Variants in ERAP1 observed in about 807,000 individuals in gnomAD.
The protein encoded by ERAP1 is adipocyte-derived leucine aminopeptidase.
A neutral mutation model predicts 103.7 loss-of-function variants in ERAP1; 86 were observed. The ratio of observed to expected loss-of-function variants is 0.83; its 90% confidence interval spans 0.70 to 0.99. ERAP1 has a LOEUF of 0.99. Ranked by LOEUF, ERAP1 falls within the 50% of genes least tolerant of loss-of-function variation. The pLI, the probability that ERAP1 is intolerant of heterozygous loss-of-function variation, is 0.00. For missense variants in ERAP1, 1,009 were observed against 1,128.4 expected (o/e 0.89, Z 1.52); for synonymous variants, 398 against 402.4 (o/e 0.99, Z 0.13).
chr5:96,794,027 GA>G, intron 5 of ERAP1, 70 bp from the exon 6 acceptor site: 11 of 1,502,070 alleles, frequency 7.3e-6, no homozygotes, highest in Non-Finnish European at 1.0e-5. Context: ...CTAATCTTCA[GA>G]ATGGATAGGT....
At chr5:96,772,130 T>A (rs1280135957), downstream of ERAP1, 2 of 154,336 alleles carry the variant, frequency 1.3e-5, no homozygotes, top group East Asian at 3.8e-4. Context: ...CTTTAGAGTC[T>A]GGTGGAAATT....
chr5:96,829,619 G>T, the ERAP1 span, among the ~76,000 whole-genome samples: 20 of 152,292 alleles, frequency 1.3e-4, no homozygotes, highest in African/African-American at 3.4e-4. Flanking sequence ...TATTAAATTA[G>T]CGAGGACACA....
Position 96,795,054 on chromosome 5 carries a change from G to T in ERAP1, c.907C>A (p.Leu303Ile), listed in dbSNP as rs759518427. 2 of 1,613,850 alleles carry T rather than the reference G, an allele frequency of 1.2e-6. No individual in the cohort carries two copies. The highest frequency in any genetic ancestry group is 2.2e-5 in the South Asian group (2 of 91,056). The change falls in exon 5 of 19, where the codon CTA becomes ATA. Residue 303 changes from leucine (L) to isoleucine (I), a missense_variant. Coordinates refer to ENST00000443439, the MANE Select transcript of ERAP1 (RefSeq NM_001040458.3). ...YEDYFSIPYP[L>I]PKQDLAAIPD... is the part of the protein sequence containing the mutation. Reference sequence around the variant, plus strand: ...GCAAAATCTCTACCTTGTTTGGGTAGGGGATACGGTATGCTGAAATAATCC... The same window carrying T: ...GCAAAATCTCTACCTTGTTTGGGTATGGGATACGGTATGCTGAAATAATCC...
At chr5:96,917,052 C>T in the ERAP1 span, among the ~76,000 whole-genome samples, 3 of 152,118 alleles carry the variant, frequency 2.0e-5, no homozygotes, top group African/African-American at 4.8e-5. Flanking sequence ...AATGCCTATA[C>T]CTGTGTGTAT....
intron 2 of ERAP1, 36 bp from the exon 3 acceptor site, chr5:96,801,036 G>A (rs761121626): frequency 6.2e-7 from 1 of 1,611,162 alleles, no homozygotes; most frequent in Non-Finnish European, 8.5e-7. Context: ...AATTGAGCAT[G>A]AAGCACCAGG....
chr5:96,898,314 T>C, the ERAP1 span, among the ~76,000 whole-genome samples: 2 of 152,138 alleles, frequency 1.3e-5, no homozygotes, highest in Admixed American at 6.5e-5. Flanking sequence ...AGCACACTTA[T>C]GGTCCAACTG....
chr5:96,849,474 T>G, the ERAP1 span, among the ~76,000 whole-genome samples: 1 of 151,990 alleles, frequency 6.6e-6, no homozygotes, highest in East Asian at 1.9e-4. Context: ...ACACTAACAA[T>G]GAAGTATCTG....
chr5:96,787,209 T>C (rs1249689321), intron 11 of ERAP1, among the ~76,000 whole-genome samples: 3 of 152,330 alleles, frequency 2.0e-5, no homozygotes, highest in Middle Eastern at 3.4e-3. Context: ...ATAAAGTTTA[T>C]TTCCCAATTT....
At chr5:96,839,177 G>A in the ERAP1 span, among the ~76,000 whole-genome samples, 1 of 152,230 alleles carries the variant, frequency 6.6e-6, no homozygotes, top group Non-Finnish European at 1.5e-5. Context: ...TGGAGGACAT[G>A]TCATCCTTGT....
intron 1 of ERAP1, among the ~76,000 whole-genome samples, chr5:96,807,208 C>T (rs1778720780): frequency 6.6e-6 from 1 of 152,184 alleles, no homozygotes; most frequent in Non-Finnish European, 1.5e-5. Context: ...AACAGAGGTG[C>T]TTTATCTGAA....
chr5:96,891,497 G>GTATA, the ERAP1 span, among the ~76,000 whole-genome samples: 19 of 85,424 alleles, frequency 2.2e-4, no homozygotes, highest in South Asian at 4.1e-3. Flanking sequence ...GTGTGTGTGT[G>GTATA]TGTATATATA....
the ERAP1 span, among the ~76,000 whole-genome samples, chr5:96,926,919 C>A: frequency 6.6e-6 from 1 of 152,148 alleles, no homozygotes; most frequent in African/African-American, 2.4e-5. Context: ...CAGGCTCAAG[C>A]GAACCTCCCG....
intron 18 of ERAP1, among the ~76,000 whole-genome samples, chr5:96,777,693 C>T (rs11747896): frequency 0.091 from 13,812 of 152,214 alleles, 827 homozygotes; most frequent in Middle Eastern, 0.16. Context: ...CTGAGCACTA[C>T]TCAACAAAGC....
chr5:96,892,477 C>T, the ERAP1 span: 7 of 1,612,724 alleles, frequency 4.3e-6, no homozygotes, highest in East Asian at 1.3e-4. Context: ...ATGACATTAT[C>T]TCGATATCAG....
chr5:96,877,865 T>A, the ERAP1 span, among the ~76,000 whole-genome samples: 1 of 141,018 alleles, frequency 7.1e-6, no homozygotes, highest in Non-Finnish European at 1.6e-5. Flanking sequence ...ATCTTTAATA[T>A]TATTTTATTT....
In ERAP1 at chr5:96,775,246, CGT is replaced by C. The variant is rs1350128958; in HGVS notation, c.*1148_*1149del. The C allele has an allele frequency of 1.0e-6, 1 of 963,540 alleles. No homozygotes were observed. Among genetic ancestry groups the C allele is most frequent in the South Asian group, 5.0e-5 (1 of 20,172 alleles). The allele number at this position is 963,540 out of a possible 1,614,324, so 59.7% of individuals were successfully genotyped here. On this transcript the variant is annotated 3_prime_UTR_variant, in exon 19 of 19. Transcript: ENST00000443439. ...AGCAGCAACTGTGTGCTGAAGCAAC[CGT>C]GTGTGAAGTCTTCACAAAAGAAAGA...
the ERAP1 span, among the ~76,000 whole-genome samples, chr5:96,863,330 C>A: frequency 6.6e-6 from 1 of 152,168 alleles, no homozygotes; most frequent in Non-Finnish European, 1.5e-5. Flanking sequence ...CCACCGTCCA[C>A]CTCCTTAGCC....
At position 96,803,535 on chromosome 5, in the gene ERAP1, A is replaced by G; in HGVS notation, c.392T>C (p.Ile131Thr). Residue 131 changes from isoleucine to threonine, a missense_variant, in exon 2 of 19, where the codon ATT becomes ACT. By Grantham distance (89) the Ile-to-Thr change is moderately conservative. Coordinates refer to ENST00000443439, the MANE Select transcript of ERAP1 (RefSeq NM_001040458.3). ...GAGGGGCTCGGGAGCCAGCAGTGCA[A>G]TTTGCTCCTGACGGGGGTGTTCCAG... ...QVLEHPRQEQIALLAPEPLLV... is the reference protein window; with the variant it reads ...QVLEHPRQEQTALLAPEPLLV... The G allele has an allele frequency of 1.2e-6, 2 of 1,613,564 alleles. No homozygotes were observed. The highest frequency in any genetic ancestry group is 1.7e-6 in the Non-Finnish European group (2 of 1,179,546).
chr5:96,814,176 GC>G, the ERAP1 span: 8,377 of 452,164 alleles, frequency 0.019, 114 homozygotes, highest in Non-Finnish European at 0.028. Context: ...CATTGTTCCA[GC>G]ATTCCGTTCC....
Sources: gnomAD v4.1 joint callset for allele counts (sites outside exome capture counted in the v4.1 genomes callset) on GRCh38, gnomAD v4.1.1 for gene constraint, MANE v1.5 for transcripts, NCBI Gene and HGNC (gene_info 2026-07-23, HGNC 2026-07-21) for gene names.